The following TTC28 variants were observed in gnomAD, a reference collection of about 807,000 sequenced individuals.
TTC28 encodes the protein tetratricopeptide repeat protein 28.
In TTC28, 61 loss-of-function variants were observed where a neutral mutation model predicts 198.0. The ratio of observed to expected loss-of-function variants is 0.31; its 90% confidence interval spans 0.25 to 0.38. TTC28 has a LOEUF of 0.38. Ranked by LOEUF, TTC28 falls within the 10% of genes least tolerant of loss-of-function variation. TTC28 has a pLI of 1.00. For synonymous variants in TTC28, 1,171 were observed against 1,297.8 expected (o/e 0.90, Z 2.10); for missense variants, 2,678 against 3,164.0 (o/e 0.85, Z 3.69).
At chr22:28,392,213 C>T (rs1384317718) in intron 2 of TTC28, among the ~76,000 whole-genome samples, 1 of 152,226 alleles carries the variant, frequency 6.6e-6, no homozygotes, top group African/African-American at 2.4e-5. Flanking sequence ...AGATCTCCAG[C>T]TGCTTGCTAG....
intron 2 of TTC28, among the ~76,000 whole-genome samples, chr22:28,451,703 G>A (rs1007300244): frequency 6.6e-6 from 1 of 152,078 alleles, no homozygotes; most frequent in Non-Finnish European, 1.5e-5. Context: ...TTATCTCTTT[G>A]GCAGGCAGTT....
chr22:28,300,129 T>C (rs1203089949), intron 3 of TTC28, among the ~76,000 whole-genome samples: 1 of 152,206 alleles, frequency 6.6e-6, no homozygotes, highest in African/African-American at 2.4e-5. Context: ...GAACAAATTC[T>C]GTGCTATCCT....
chr22:28,140,782 T>A lies in TTC28; in HGVS notation c.1441+22310A>T, dbSNP rs564547562. ...TTACATATTTATTTAAATAAACCCA[T>A]AAATCAGAAATGACGTTTTTTTTCC... On this transcript the variant is annotated intron_variant, in intron 6 of 22. Coordinates refer to ENST00000397906, the MANE Select transcript of TTC28 (RefSeq NM_001145418.2). Among the ~76,000 whole-genome samples the A allele has an allele frequency of 1.3e-3, 198 of 152,322 alleles. 1 individual carries two copies. The highest frequency in any genetic ancestry group is 4.5e-3 in the African/African-American group (188 of 41,576).
intron 6 of TTC28, among the ~76,000 whole-genome samples, chr22:28,131,696 A>G (rs1426472951): frequency 6.6e-6 from 1 of 152,226 alleles, no homozygotes; most frequent in Non-Finnish European, 1.5e-5. Flanking sequence ...CCTTGGGTAT[A>G]TTATTTGCCC....
At chr22:28,353,344 T>C (rs1297731270) in intron 2 of TTC28, among the ~76,000 whole-genome samples, 1 of 152,066 alleles carries the variant, frequency 6.6e-6, no homozygotes, top group African/African-American at 2.4e-5. Flanking sequence ...CAAAAAGCCA[T>C]CCTAAAACTC....
chr22:28,126,963 G>A (rs1942931299), intron 6 of TTC28, among the ~76,000 whole-genome samples: 1 of 152,120 alleles, frequency 6.6e-6, no homozygotes, highest in Non-Finnish European at 1.5e-5. Flanking sequence ...AACTCCTGGG[G>A]TCAAGCAATC....
At chr22:28,190,589 G>T (rs1324937618) in intron 5 of TTC28, among the ~76,000 whole-genome samples, 2 of 152,092 alleles carry the variant, frequency 1.3e-5, no homozygotes, top group Admixed American at 1.3e-4. Context: ...TGTTTAATTA[G>T]GAAACTCACA....
intron 5 of TTC28, among the ~76,000 whole-genome samples, chr22:28,257,641 G>GA (rs561822062): frequency 6.7e-6 from 1 of 148,672 alleles, no homozygotes; most frequent in African/African-American, 2.5e-5. Context: ...ATGAATGGGG[G>GA]AAAAAAGAAT....
At chr22:28,676,382 G>A (rs2051990505) in intron 1 of TTC28, among the ~76,000 whole-genome samples, 1 of 152,156 alleles carries the variant, frequency 6.6e-6, no homozygotes, top group African/African-American at 2.4e-5. Flanking sequence ...CTGCTAATGG[G>A]TATGGGATTT....
intron 5 of TTC28, among the ~76,000 whole-genome samples, chr22:28,223,359 G>A (rs190717800): frequency 1.1e-3 from 160 of 152,258 alleles, no homozygotes; most frequent in Middle Eastern, 6.8e-3. Context: ...AAGTCCCTCT[G>A]GAAAGGATAC....
chr22:28,604,297 T>TATATA (rs1053139903), intron 2 of TTC28, among the ~76,000 whole-genome samples: 16 of 114,128 alleles, frequency 1.4e-4, no homozygotes, highest in Admixed American at 3.5e-4. Flanking sequence ...AAAAAAAAAA[T>TATATA]TATATATATA....
At chr22:28,475,042 C>A (rs531611192) in intron 2 of TTC28, among the ~76,000 whole-genome samples, 1 of 150,394 alleles carries the variant, frequency 6.6e-6, no homozygotes, top group Non-Finnish European at 1.5e-5. Flanking sequence ...CCTAGCTACT[C>A]GGGAGGCTGA....
At chr22:27,986,705 AC>A (rs1436751330) in intron 21 of TTC28, among the ~76,000 whole-genome samples, 2 of 152,016 alleles carry the variant, frequency 1.3e-5, no homozygotes, top group Non-Finnish European at 2.9e-5. Flanking sequence ...CAAAGGAGAA[AC>A]CCCTCCGTCT....
chr22:28,180,800 G>A (rs1923622562), intron 5 of TTC28, among the ~76,000 whole-genome samples: 1 of 152,142 alleles, frequency 6.6e-6, no homozygotes. Context: ...CAAAGAAGAG[G>A]CTTAAATACC....
intron 14 of TTC28, among the ~76,000 whole-genome samples, chr22:28,004,805 A>G (rs921760795): frequency 6.6e-6 from 1 of 152,212 alleles, no homozygotes; most frequent in Non-Finnish European, 1.5e-5. Flanking sequence ...AAGATTAGTT[A>G]TAATCCAACG....
intron 2 of TTC28, among the ~76,000 whole-genome samples, chr22:28,414,004 C>A (rs1332624371): frequency 6.6e-6 from 1 of 152,150 alleles, no homozygotes; most frequent in Admixed American, 6.5e-5. Flanking sequence ...TCTGTTTAAT[C>A]CATTATGAAA....
chr22:28,349,568 T>C (rs1414271348), intron 2 of TTC28, among the ~76,000 whole-genome samples: 2 of 152,284 alleles, frequency 1.3e-5, no homozygotes, highest in African/African-American at 4.8e-5. Context: ...GCCAAGAGGC[T>C]TGAGTTCCCA....
At chr22:28,455,454 C>T (rs2047844718) in intron 2 of TTC28, among the ~76,000 whole-genome samples, 1 of 152,144 alleles carries the variant, frequency 6.6e-6, no homozygotes, top group Non-Finnish European at 1.5e-5. Context: ...TGGCTCATGT[C>T]TGTAATCCCA....
intron 5 of TTC28, among the ~76,000 whole-genome samples, chr22:28,220,173 C>T (rs1325794481): frequency 6.6e-6 from 1 of 152,178 alleles, no homozygotes; most frequent in African/African-American, 2.4e-5. Context: ...TTTGATAAAG[C>T]ACAATTACAC....
Sources: allele counts gnomAD v4.1 joint callset (sites outside exome capture counted in the v4.1 genomes callset), GRCh38; gene constraint gnomAD v4.1.1; transcripts MANE v1.5; gene names NCBI Gene and HGNC (gene_info 2026-07-23, HGNC 2026-07-21).